PLPP5: variants seen among roughly 807,000 people sequenced by gnomAD.
PLPP5 encodes the protein diacylglycerol pyrophosphate like 1.
A neutral mutation model predicts 23.6 loss-of-function variants in PLPP5; 29 were observed. That is an observed-to-expected ratio of 1.23 (90% CI 0.92 to 1.68). The LOEUF is 1.68. PLPP5 is among the 40% of genes most tolerant of loss of function. The pLI, the probability that PLPP5 is intolerant of heterozygous loss-of-function variation, is 0.00. For synonymous variants in PLPP5, 143 were observed against 131.3 expected (o/e 1.09, Z -0.61); for missense variants, 315 against 332.1 (o/e 0.95, Z 0.40).
intron 3 of PLPP5, 113 bp from the exon 4 acceptor site, chr8:38,268,073 C>T: frequency 1.4e-5 from 22 of 1,541,612 alleles, no homozygotes; most frequent in Non-Finnish European, 1.9e-5. Context: ...CCAACCAGGC[C>T]TGGGCACAAA....
intron 6 of PLPP5, chr8:38,265,599 T>C (rs1759281910): frequency 1.3e-5 from 2 of 152,214 alleles, no homozygotes; most frequent in South Asian, 4.1e-4. Context: ...CCTCAATTTT[T>C]GTATTTTTAG....
chr8:38,264,954 A>G lies in PLPP5; in HGVS notation c.635-350T>C, dbSNP rs945957831. The G allele has an allele frequency of 4.4e-6, 7 of 1,595,434 alleles. No individual in the cohort carries two copies. The African/African-American group carries it at 8.1e-5, about 18-fold the overall frequency. ...ATTTTCACCATTTAAAGGGTCCTAG[A>G]GGAAGGAATAAAGTATTTTAAGAGT... On this transcript the variant is annotated intron_variant, in intron 6 of 6. Transcript: ENST00000424479.
Position 38,264,106 on chromosome 8 carries a change from CGGTTAGGAG to C in PLPP5, c.*329_*337del. ...AGAATTTCTTGTCTTGTGCATGGTCCGGTTAGGAGGGCTAGTTCACCTGTTCTCTATTGA... is the reference window on the plus strand; with the variant it reads ...AGAATTTCTTGTCTTGTGCATGGTCCGGCTAGTTCACCTGTTCTCTATTGA... On this transcript the variant is annotated 3_prime_UTR_variant, in exon 7 of 7. Transcript: ENST00000424479. 2 of 997,690 alleles carry C rather than the reference CGGTTAGGAG, an allele frequency of 2.0e-6. No individual in the cohort carries two copies. Among genetic ancestry groups the C allele is most frequent in the Non-Finnish European group, 2.4e-6 (2 of 838,360 alleles). The allele number at this position is 997,690 out of a possible 1,614,324, so 61.8% of individuals were successfully genotyped here.
chr8:38,268,692 A>G, intron 2 of PLPP5, 190 bp downstream of exon 2: 1 of 1,432,962 alleles, frequency 7.0e-7, no homozygotes, highest in Non-Finnish European at 9.1e-7. Flanking sequence ...GTCTCAGCCC[A>G]AAGAGGCTCG....
chr8:38,266,459 G>A, intron 5 of PLPP5, 148 bp from the exon 6 acceptor site: 1 of 743,960 alleles, frequency 1.3e-6, no homozygotes, highest in Non-Finnish European at 2.1e-6. Context: ...GGAGTGCAGT[G>A]GCACCATCTC....
chr8:38,268,790 C>G, intron 2 of PLPP5, 92 bp downstream of exon 2: 1 of 1,437,962 alleles, frequency 7.0e-7, no homozygotes, highest in Non-Finnish European at 9.1e-7. Flanking sequence ...GCAGTGGGTC[C>G]CTACAAAGGC....
chr8:38,267,260 T>A lies in PLPP5; in HGVS notation c.463+7A>T. 2 of 1,613,970 alleles carry A rather than the reference T, an allele frequency of 1.2e-6. No individual in the cohort carries two copies. Among genetic ancestry groups the A allele is most frequent in the Non-Finnish European group, 8.5e-7 (1 of 1,179,854 alleles). On this transcript the variant is annotated splice_region_variant and intron_variant, in intron 5 of 6. Coordinates refer to ENST00000424479, the MANE Select transcript of PLPP5 (RefSeq NM_001102559.2). ...AGCATAGGGTAGAGTCCATATGATATTCATACAGGAAGAATGTCCACTGGG... is the reference window on the plus strand; with the variant it reads ...AGCATAGGGTAGAGTCCATATGATAATCATACAGGAAGAATGTCCACTGGG...
chr8:38,268,637 G>T (rs1431548994), intron 2 of PLPP5, 176 bp from the exon 3 acceptor site: 2 of 1,437,566 alleles, frequency 1.4e-6, no homozygotes, highest in East Asian at 5.0e-5. Flanking sequence ...TGCGGCTCGG[G>T]CCCCGGTACC....
chr8:38,265,025 T>C (rs1807369268), intron 6 of PLPP5: 1 of 1,001,274 alleles, frequency 1.0e-6, no homozygotes, highest in Non-Finnish European at 1.6e-6. Context: ...TCCCAGCACT[T>C]TGGGAGGACC....
At chr8:38,268,516 T>TACACATC in intron 2 of PLPP5, 55 bp from the exon 3 acceptor site, 1 of 1,543,212 alleles carries the variant, frequency 6.5e-7, no homozygotes, top group South Asian at 1.2e-5. Context: ...ACACTCGTGC[T>TACACATC]CCTACAGGAA....
At chr8:38,268,556 G>T in intron 2 of PLPP5, 95 bp from the exon 3 acceptor site, 1 of 1,514,990 alleles carries the variant, frequency 6.6e-7, no homozygotes, top group Middle Eastern at 1.7e-4. Context: ...GGACTCACTG[G>T]AGCTAACATA....
chr8:38,267,195 C>A, intron 5 of PLPP5, 72 bp downstream of exon 5: 1 of 1,612,120 alleles, frequency 6.2e-7, no homozygotes. Context: ...TTTTCCCATC[C>A]CTACTAGCTT....
At position 38,269,167 on chromosome 8, in the gene PLPP5, C is replaced by G. The variant is rs1056836211; in HGVS notation, c.33G>C (p.Gly11=). Residue 11 remains glycine (G), a synonymous_variant, in exon 1 of 7, where the codon GGG becomes GGC. Coordinates refer to ENST00000424479, the MANE Select transcript of PLPP5 (RefSeq NM_001102559.2). ...GCGCGAGCCGCACGCCCACTTCGGC[C>G]CCAAAGGCCACCGCCGCCGCCGCCT... MGKAAAAVAF[G]AEVGVRLALF... The G allele has an allele frequency of 3.3e-6, 5 of 1,509,794 alleles. No homozygotes were observed. The South Asian group carries it at 4.9e-5, about 15-fold the overall frequency. 93.5% of individuals were successfully genotyped at this position (1,509,794 alleles called of 1,614,324 possible). A position where few individuals can be genotyped will look rare whatever the true frequency, so the allele number is the denominator to read the frequency against.
intron 2 of PLPP5, 187 bp downstream of exon 2, chr8:38,268,695 G>C: frequency 7.0e-6 from 10 of 1,433,126 alleles, no homozygotes; most frequent in Non-Finnish European, 9.1e-6. Context: ...TCAGCCCAAA[G>C]AGGCTCGGAC....
rs1167889668 is a variant in PLPP5, at chr8:38,264,246, C to G, written c.*198G>C. 7 of 764,272 alleles carry G rather than the reference C, an allele frequency of 9.2e-6. No homozygotes were observed. The East Asian group carries it at 3.0e-4, about 33-fold the overall frequency. 47.3% of individuals were successfully genotyped at this position (764,272 alleles called of 1,614,324 possible). On this transcript the variant is annotated 3_prime_UTR_variant, in exon 7 of 7. Coordinates refer to ENST00000424479, the MANE Select transcript of PLPP5 (RefSeq NM_001102559.2). ...CACTGGAACCTCCAGCTCCCAGGTT[C>G]AAGCAATTCTCCTACCTCAGCCTCC...
chr8:38,269,213 CCGAGCGACGCTG>C, exon 1 of PLPP5: 2 of 1,495,136 alleles, frequency 1.3e-6, no homozygotes, highest in Non-Finnish European at 1.8e-6. Flanking sequence ...GCCGCGAGCT[CCGAGCGACGCTG>C]CGCTGACGTG....
In PLPP5 at chr8:38,267,839, C is replaced by G. The variant is rs193187393; in HGVS notation, c.338+58G>C. The G allele has an allele frequency of 9.9e-5, 150 of 1,515,980 alleles. No homozygotes were observed. In the African/African-American group the frequency reaches 1.7e-3, roughly 17 times the overall value. 93.9% of individuals were successfully genotyped at this position (1,515,980 alleles called of 1,614,324 possible). Reference sequence around the variant, plus strand: ...CGTGTGGTGGACACCATTAACCTCTCTGTTCTGGTGGGTAAGGGCTGAGGC... The same window carrying G: ...CGTGTGGTGGACACCATTAACCTCTGTGTTCTGGTGGGTAAGGGCTGAGGC... On this transcript the variant is annotated intron_variant, in intron 4 of 6. Transcript: ENST00000424479.
rs1204244416 is a variant in PLPP5 at position 38,266,526 on chromosome 8, G to C, written c.464-215C>G. 2.3e-5 allele frequency: 11 copies of C among 471,328 alleles called. No individual in the cohort carries two copies. In the South Asian group the frequency reaches 2.7e-4, roughly 12 times the overall value. 29.2% of individuals were successfully genotyped at this position (471,328 alleles called of 1,614,324 possible). A position where few individuals can be genotyped will look rare whatever the true frequency, so the allele number is the denominator to read the frequency against. On this transcript the variant is annotated intron_variant, in intron 5 of 6. Transcript: ENST00000424479. ...AGCGATTCTCCTGCCTTAGCCTCCC[G>C]AGTAGCTGGGACTCCATGTGTGTGC...
Position 38,268,379 on chromosome 8 carries a change from G to T in PLPP5, c.266C>A (p.Ala89Asp). 1 of 1,567,394 alleles carries T rather than the reference G, an allele frequency of 6.4e-7. No homozygotes were observed. Residue 89 changes from alanine to aspartate, a missense_variant, in exon 3 of 7, where the codon GCC becomes GAC. By Grantham distance (126) the Ala-to-Asp change is moderately radical. Coordinates refer to ENST00000424479, the MANE Select transcript of PLPP5 (RefSeq NM_001102559.2). ...AAAGGGCTAGCGCTCACCCAGGCAGGCTTGTCTGCTGTCTCTTGTGTCTGC... is the reference window on the plus strand; with the variant it reads ...AAAGGGCTAGCGCTCACCCAGGCAGTCTTGTCTGCTGTCTCTTGTGTCTGC... ...KKADTRDSRQ[A>D]CLAASLALAL...
Sources: gnomAD v4.1 joint callset for allele counts on GRCh38, gnomAD v4.1.1 for gene constraint, MANE v1.5 for transcripts, NCBI Gene and HGNC (gene_info 2026-07-23, HGNC 2026-07-21) for gene names.